The following TENM1 variants were observed in gnomAD, a reference collection of about 807,000 sequenced individuals.
TENM1 encodes the protein teneurin-1.
A neutral mutation model predicts 174.8 loss-of-function variants in TENM1; 35 were observed. The observed-to-expected ratio is 0.20, with a 90% CI of 0.15 to 0.27. TENM1 has a LOEUF of 0.27. Among genes scored for constraint, TENM1 ranks in the 10% least tolerant of loss-of-function variants. The pLI is 1.00. For synonymous variants in TENM1, 781 were observed against 798.7 expected, an observed-to-expected ratio of 0.98 and a Z score of 0.37; for missense variants, 1,633 against 2,130.1, an observed-to-expected ratio of 0.77 and a Z score of 4.59.
chrX:124,477,036 T>A (rs1034327703), intron 22 of TENM1, among the ~76,000 whole-genome samples: 40 of 112,406 alleles, frequency 3.6e-4, no homozygotes, highest in African/African-American at 1.1e-3. Context: ...GATAAAGACT[T>A]CCTCCCAGGA....
chrX:124,998,300 A>G, the TENM1 span, among the ~76,000 whole-genome samples: 1 of 110,074 alleles, frequency 9.1e-6, no homozygotes, highest in Non-Finnish European at 1.9e-5. Context: ...GATTGACGTT[A>G]AAATAAAATT....
At chrX:125,092,650 T>C in the TENM1 span, among the ~76,000 whole-genome samples, 1 of 111,898 alleles carries the variant, frequency 8.9e-6, no homozygotes, top group East Asian at 2.8e-4. Flanking sequence ...AGAGAAATCA[T>C]AAATTAATAT....
At chrX:124,682,852 A>T (rs1310606630) in intron 5 of TENM1, among the ~76,000 whole-genome samples, 2 of 111,434 alleles carry the variant, frequency 1.8e-5, no homozygotes, top group Non-Finnish European at 3.8e-5. Context: ...CCATGGGAAG[A>T]TAGGAAAACA....
intron 3 of TENM1, among the ~76,000 whole-genome samples, chrX:124,782,557 A>C (rs181256385): frequency 6.5e-4 from 72 of 110,368 alleles, no homozygotes; most frequent in Middle Eastern, 4.7e-3. Context: ...TCATCTTGGA[A>C]TACATCCCCT....
the TENM1 span, among the ~76,000 whole-genome samples, chrX:125,071,393 T>G: frequency 9.0e-6 from 1 of 111,714 alleles, no homozygotes; most frequent in Non-Finnish European, 1.9e-5. Context: ...CATCCCAATC[T>G]CCTACTTTTC....
the TENM1 span, among the ~76,000 whole-genome samples, chrX:124,995,564 AAACTAAGCCCCT>A: frequency 1.8e-5 from 2 of 111,470 alleles, no homozygotes; most frequent in Non-Finnish European, 3.8e-5. Flanking sequence ...TGTTGGCTAC[AAACTAAGCCCCT>A]AACTTCTGCC....
At chrX:124,845,545 A>G (rs2056589184) in intron 3 of TENM1, among the ~76,000 whole-genome samples, 1 of 111,928 alleles carries the variant, frequency 8.9e-6, no homozygotes, top group South Asian at 3.7e-4. Context: ...AAAAAGCTGC[A>G]TTAAGGTCCT....
chrX:124,664,532 G>GAAAAAAAAAAAAAAAAAA (rs779501054), intron 6 of TENM1, among the ~76,000 whole-genome samples: 2 of 29,256 alleles, frequency 6.8e-5, no homozygotes, highest in African/African-American at 2.4e-4. Flanking sequence ...TAAAGCAAAA[G>GAAAAAAAAAAAAAAAAAA]AAAAAAAAAA....
chrX:125,168,176 T>C, the TENM1 span, among the ~76,000 whole-genome samples: 1 of 111,755 alleles, frequency 8.9e-6, no homozygotes, highest in Admixed American at 9.5e-5. Flanking sequence ...TGAAGTCTTC[T>C]GGAATTGTGC....
intron 1 of TENM1, among the ~76,000 whole-genome samples, chrX:124,951,339 A>G (rs2058480150): frequency 9.0e-6 from 1 of 110,940 alleles, no homozygotes. Context: ...TTCTATATCT[A>G]TAGTCTAGTG....
the TENM1 span, among the ~76,000 whole-genome samples, chrX:125,065,523 T>A: frequency 1.4e-4 from 16 of 112,132 alleles, no homozygotes; most frequent in Non-Finnish European, 2.8e-4. Flanking sequence ...GCTAATAATG[T>A]AAAAAAGACT....
At chrX:124,585,500 C>T (rs1178765494) in intron 11 of TENM1, among the ~76,000 whole-genome samples, 36 of 111,533 alleles carry the variant, frequency 3.2e-4, no homozygotes, top group Non-Finnish European at 6.8e-4. Flanking sequence ...AGAACAAAGA[C>T]ACAACATACC....
intron 3 of TENM1, among the ~76,000 whole-genome samples, chrX:124,755,655 C>T (rs1287324821): frequency 9.0e-6 from 1 of 111,159 alleles, no homozygotes; most frequent in Non-Finnish European, 1.9e-5. Flanking sequence ...TTTAGTGCTT[C>T]CTTCAGGAGC....
chrX:124,822,974 T>C (rs1201954793), intron 3 of TENM1, among the ~76,000 whole-genome samples: 1 of 112,508 alleles, frequency 8.9e-6, no homozygotes, highest in Non-Finnish European at 1.9e-5. Flanking sequence ...TAATGGATGA[T>C]AGCTGAAGAG....
At chrX:124,496,119 A>G (rs1447265013) in intron 20 of TENM1, among the ~76,000 whole-genome samples, 3 of 109,881 alleles carry the variant, frequency 2.7e-5, no homozygotes, top group Non-Finnish European at 5.7e-5. Flanking sequence ...AGCATTGGGG[A>G]AAGGATTCCC....
chrX:124,803,519 A>C (rs149796270), intron 3 of TENM1, among the ~76,000 whole-genome samples: 2 of 112,063 alleles, frequency 1.8e-5, no homozygotes, highest in African/African-American at 6.5e-5. Flanking sequence ...TCTCTATCCA[A>C]ACTGTACTCA....
intron 19 of TENM1, among the ~76,000 whole-genome samples, chrX:124,502,501 G>T (rs1195190828): frequency 8.9e-6 from 1 of 112,282 alleles, no homozygotes; most frequent in African/African-American, 3.2e-5. Flanking sequence ...GAAAAGAAAC[G>T]GCTGCTTAAA....
chrX:124,494,061 A>G (rs2047129517), intron 20 of TENM1, among the ~76,000 whole-genome samples: 1 of 111,534 alleles, frequency 9.0e-6, no homozygotes, highest in African/African-American at 3.3e-5. Context: ...GTATTAGAAA[A>G]TGGAGGTATA....
At chrX:125,002,483 T>C in the TENM1 span, among the ~76,000 whole-genome samples, 1 of 111,011 alleles carries the variant, frequency 9.0e-6, no homozygotes, top group Non-Finnish European at 1.9e-5. Flanking sequence ...TTTCTCTCCC[T>C]GTGAGTTATC....
Sources: allele counts gnomAD v4.1 joint callset (sites outside exome capture counted in the v4.1 genomes callset), GRCh38; gene constraint gnomAD v4.1.1; transcripts MANE v1.5; gene names NCBI Gene and HGNC (gene_info 2026-07-23, HGNC 2026-07-21).